POLL: variants seen among roughly 807,000 people sequenced by gnomAD.
The protein encoded by POLL is DNA polymerase beta-2.
Under a neutral mutation model 58.1 loss-of-function variants are expected in POLL, and 44 were observed. The ratio of observed to expected loss-of-function variants is 0.76; its 90% confidence interval spans 0.60 to 0.97. The LOEUF (loss-of-function observed/expected upper bound fraction) is 0.97. Ranked by LOEUF, POLL falls within the 50% of genes least tolerant of loss-of-function variation. The pLI is 0.00. For missense variants in POLL, 632 were observed against 736.8 expected, an observed-to-expected ratio of 0.86 and a Z score of 1.65; for synonymous variants, 290 against 283.2, an observed-to-expected ratio of 1.02 and a Z score of -0.24.
At position 101,578,988 on chromosome 10, in the gene POLL, G is replaced by A. The variant is rs184624589; in HGVS notation, c.*465C>T. ...CCACCAGCTGCCCAGGAAGCAGGAC[G>A]GATAGAGGGAACACATGTGGAATGG... On this transcript the variant is annotated 3_prime_UTR_variant, in exon 9 of 9. Coordinates refer to ENST00000370162, the MANE Select transcript of POLL (RefSeq NM_001174084.2). 10 of 182,250 alleles carry A rather than the reference G, an allele frequency of 5.5e-5. No homozygotes were observed. The highest frequency in any genetic ancestry group is 1.2e-4 in the South Asian group (1 of 8,096). 11.3% of individuals were successfully genotyped at this position (182,250 alleles called of 1,614,324 possible). A position where few individuals can be genotyped will look rare whatever the true frequency, so the allele number is the denominator to read the frequency against.
rs561526465 is a variant in POLL, at chr10:101,586,055, A to G, written c.217T>C (p.Cys73Arg). The G allele has an allele frequency of 6.2e-7, 1 of 1,614,092 alleles. No individual in the cohort carries two copies. The highest frequency in any genetic ancestry group is 1.7e-5 in the Admixed American group (1 of 60,020). Residue 73 changes from cysteine (C) to arginine (R), a missense_variant, in exon 3 of 9, where the codon TGC becomes CGC. Transcript: ENST00000370162. ...GTGACACCTGGGCCCTGGGCAGGGC[A>G]TAGCTGGCCGCCATGCTGAACAATC... ...KQIVQHGGQL[C>R]PAQGPGVTHI...
At chr10:101,587,759 T>C in intron 1 of POLL, 63 bp downstream of exon 1, 1 of 1,189,900 alleles carries the variant, frequency 8.4e-7, no homozygotes, top group Non-Finnish European at 1.1e-6. Flanking sequence ...GAAATGGAGC[T>C]TTAGGGGATG....
chr10:101,585,107 G>A (rs1174567727), intron 4 of POLL, among the ~76,000 whole-genome samples, 188 bp from the exon 5 acceptor site: 1 of 152,184 alleles, frequency 6.6e-6, no homozygotes, highest in African/African-American at 2.4e-5. Flanking sequence ...GCTCCACGCA[G>A]TGCCTAGCCC....
intron 2 of POLL, chr10:101,587,038 C>A: frequency 9.8e-7 from 1 of 1,022,614 alleles, no homozygotes; most frequent in Non-Finnish European, 1.5e-6. Flanking sequence ...GGATAGAGGT[C>A]TTCGGGTAGA....
At chr10:101,585,572 T>C in intron 3 of POLL, 94 bp from the exon 4 acceptor site, 1 of 1,184,794 alleles carries the variant, frequency 8.4e-7, no homozygotes, top group Non-Finnish European at 1.2e-6. Context: ...GGTTTCCCAG[T>C]GTGTCCAATT....
At chr10:101,585,043 G>A in intron 4 of POLL, 124 bp from the exon 5 acceptor site, 2 of 711,686 alleles carry the variant, frequency 2.8e-6, no homozygotes, top group Non-Finnish European at 4.3e-6. Flanking sequence ...GAATGAGGCG[G>A]GGCCTTCTGC....
intron 2 of POLL, 147 bp from the exon 3 acceptor site, chr10:101,586,303 C>G: frequency 1.3e-6 from 1 of 743,772 alleles, no homozygotes; most frequent in Non-Finnish European, 2.2e-6. Flanking sequence ...TCCATCCAGA[C>G]AGCTTTCCTT....
At chr10:101,585,013 G>T in intron 4 of POLL, 94 bp from the exon 5 acceptor site, 1 of 855,596 alleles carries the variant, frequency 1.2e-6, no homozygotes. Flanking sequence ...GCGGGGGGAG[G>T]GTCTTCTAGT....
In POLL at chr10:101,582,808, G is replaced by C; in HGVS notation, c.1149C>G (p.Phe383Leu). ...QAIGLKHYSD[F>L]LERMPREEAT... ...CCTCCTCCCTGGGCATACGTTCCAG[G>C]AAGTCACTGTAATGCTTCAGGCCGA... The change falls in exon 7 of 9, where the codon TTC becomes TTG. Residue 383 changes from phenylalanine to leucine, a missense_variant. Coordinates refer to ENST00000370162, the MANE Select transcript of POLL (RefSeq NM_001174084.2). 1.2e-6 allele frequency: 2 copies of C among 1,614,238 alleles called. No individual in the cohort carries two copies. Among genetic ancestry groups the C allele is most frequent in the East Asian group, 2.2e-5 (1 of 44,888 alleles).
chr10:101,581,532 T>C (rs1029842581), intron 7 of POLL: 1 of 152,176 alleles, frequency 6.6e-6, no homozygotes, highest in Non-Finnish European at 1.5e-5. Context: ...ACTAGGCCAG[T>C]CTCCATGGGA....
At chr10:101,581,823 TC>T (rs1414730830) in intron 7 of POLL, 1 of 152,084 alleles carries the variant, frequency 6.6e-6, no homozygotes, top group Non-Finnish European at 1.5e-5. Context: ...TTTTTTTTTT[TC>T]AGACAGAGTC....
rs200025326 is a variant in POLL, at chr10:101,579,528, C to A, written c.1653G>T (p.Leu551=). Residue 551 remains leucine, a synonymous_variant, in exon 9 of 9, where the codon CTG becomes CTT. Transcript: ENST00000370162. The surrounding 1 kb of genome is among the most constrained non-coding windows in gnomAD (Gnocchi z 4.4). The part of the protein sequence containing the change: ...HGCKVGPGRV[L]PTPTEKDVFR... ...AGACATCCTTCTCAGTGGGAGTGGG[C>A]AGCACTCGGCCAGGCCCCACCTTGC... 1 of 1,613,818 alleles carries A rather than the reference C, an allele frequency of 6.2e-7. No individual in the cohort carries two copies. The highest frequency in any genetic ancestry group is 1.3e-5 in the African/African-American group (1 of 75,022).
chr10:101,585,629 G>T, intron 3 of POLL, 151 bp from the exon 4 acceptor site: 1 of 774,892 alleles, frequency 1.3e-6, no homozygotes, highest in Non-Finnish European at 2.0e-6. Flanking sequence ...TTGAGACAGG[G>T]TCTTGCTCTG....
At chr10:101,585,758 G>T in intron 3 of POLL, 104 bp downstream of exon 3, 1 of 1,081,940 alleles carries the variant, frequency 9.2e-7, no homozygotes, top group Non-Finnish European at 1.3e-6. Flanking sequence ...ACCCCACCAT[G>T]CCTGGCTAAT....
At chr10:101,586,976 G>A (rs116984807) in intron 2 of POLL, 2 of 510,266 alleles carry the variant, frequency 3.9e-6, no homozygotes, top group East Asian at 4.5e-5. Context: ...CCAGTCCTCA[G>A]GGCAAAAATT....
At position 101,584,701 on chromosome 10, in the gene POLL, G is replaced by A. The variant is rs966185768; in HGVS notation, c.792C>T (p.Ala264=). 1 of 1,614,076 alleles carries A rather than the reference G, an allele frequency of 6.2e-7. No homozygotes were observed. The highest frequency in any genetic ancestry group is 8.5e-7 in the Non-Finnish European group (1 of 1,179,994). The change falls in exon 5 of 9, where the codon GCC becomes GCT. Residue 264 remains alanine, a synonymous_variant. Coordinates refer to ENST00000370162, the MANE Select transcript of POLL (RefSeq NM_001174084.2). ...TGTCTCCCTGAACACTGTAGGCTTT[G>A]GCCAGAACTTCCAGCTTCTCTGTGA... ...LHITEKLEVL[A]KAYSVQGDKW... is the part of the protein sequence containing the mutation.
At chr10:101,587,678 G>A (rs1286752956) in intron 1 of POLL, 144 bp downstream of exon 1, 19 of 991,312 alleles carry the variant, frequency 1.9e-5, no homozygotes, top group Non-Finnish European at 2.4e-5. Flanking sequence ...CAGAGGGGTT[G>A]CGCTAAAGAT....
intron 6 of POLL, 137 bp from the exon 7 acceptor site, chr10:101,583,028 G>A: frequency 1.1e-6 from 1 of 938,454 alleles, no homozygotes; most frequent in South Asian, 1.4e-5. Context: ...GGGCAGTTGG[G>A]TCTGTACTCA....
chr10:101,582,906 C>T lies in POLL; in HGVS notation c.1066-15G>A. The T allele has an allele frequency of 1.2e-6, 2 of 1,614,094 alleles. No individual in the cohort carries two copies. The highest frequency in any genetic ancestry group is 1.7e-6 in the Non-Finnish European group (2 of 1,179,998). On this transcript the variant is annotated splice_polypyrimidine_tract_variant and intron_variant, in intron 6 of 8. Transcript: ENST00000370162. The stretch of plus-strand genomic sequence containing the variant: ...CTTCGGAAGCCCTGGAAAAAAGCAG[C>T]CAGATGGGAAGCTGTAAGGATCCAG...
Sources: allele counts gnomAD v4.1 joint callset (sites outside exome capture counted in the v4.1 genomes callset), GRCh38; gene constraint gnomAD v4.1.1; non-coding constraint Gnocchi (gnomAD v3.1); transcripts MANE v1.5; gene names NCBI Gene and HGNC (gene_info 2026-07-23, HGNC 2026-07-21).